Variants in INSR observed in about 807,000 individuals in gnomAD.
The protein encoded by INSR is IR.
A neutral mutation model predicts 142.6 loss-of-function variants in INSR; 67 were observed. That is an observed-to-expected ratio of 0.47 (90% CI 0.39 to 0.58). The LOEUF is 0.58. INSR is among the 20% of genes least tolerant of loss of function. The pLI is 0.00. For synonymous variants in INSR, 756 were observed against 743.1 expected, an observed-to-expected ratio of 1.02 and a Z score of -0.28; for missense variants, 1,248 against 1,833.2, an observed-to-expected ratio of 0.68 and a Z score of 5.83.
At chr19:7,228,980 A>T (rs1031653625) in intron 2 of INSR, among the ~76,000 whole-genome samples, 57 of 137,850 alleles carry the variant, frequency 4.1e-4, no homozygotes, top group African/African-American at 1.3e-3. Flanking sequence ...AGTAGACAGA[A>T]GGATGGATGG....
intron 11 of INSR, 79 bp from the exon 12 acceptor site, chr19:7,143,169 C>G (rs899102740): frequency 2.1e-5 from 31 of 1,505,762 alleles, no homozygotes; most frequent in Non-Finnish European, 2.8e-5. Flanking sequence ...GAATAAAAGG[C>G]TTGATTAAGA....
At chr19:7,254,286 C>T (rs578177772) in intron 2 of INSR, among the ~76,000 whole-genome samples, 2 of 152,014 alleles carry the variant, frequency 1.3e-5, no homozygotes, top group East Asian at 3.9e-4. Flanking sequence ...GAGGCTGAAG[C>T]GAGAGGGTCA....
At chr19:7,226,744 A>AAAAAAAAAC (rs1975800901) in intron 2 of INSR, among the ~76,000 whole-genome samples, 1 of 150,994 alleles carries the variant, frequency 6.6e-6, no homozygotes, top group Non-Finnish European at 1.5e-5. Flanking sequence ...AAAAAAAAAA[A>AAAAAAAAAC]TGCCTGAAGG....
At position 7,166,924 on chromosome 19, in the gene INSR, C is replaced by CATAAATAA. The variant is rs74174870; in HGVS notation, c.1611-528_1611-521dup. ...ACAAAGGGAGACTCTGTTTCAAAAA[C>CATAAATAA]ATAAATAAATAAATAAATAAATAAA... On this transcript the variant is annotated intron_variant, in intron 7 of 21. Transcript: ENST00000302850. The surrounding 1 kb of genome is among the most constrained non-coding windows in gnomAD (Gnocchi z 4.1). 4.7e-4 allele frequency among the ~76,000 whole-genome samples: 60 copies of CATAAATAA among 127,992 alleles called. No homozygotes were observed. Among genetic ancestry groups the CATAAATAA allele is most frequent in the Middle Eastern group, 7.9e-3 (2 of 254 alleles). The allele number at this position is 127,992 out of a possible 152,430, so 84.0% of individuals were successfully genotyped here.
At chr19:7,213,662 G>T (rs778645096) in intron 2 of INSR, among the ~76,000 whole-genome samples, 2 of 152,184 alleles carry the variant, frequency 1.3e-5, no homozygotes, top group African/African-American at 2.4e-5. Flanking sequence ...AGCAGAGAAA[G>T]ACTTCAGACA....
intron 2 of INSR, among the ~76,000 whole-genome samples, chr19:7,224,702 C>T (rs570213829): frequency 2.6e-5 from 4 of 152,278 alleles, no homozygotes; most frequent in East Asian, 1.9e-4. Context: ...GGAAATGCAC[C>T]GTGGTTATAA....
chr19:7,255,172 T>C (rs1479333016), intron 2 of INSR, among the ~76,000 whole-genome samples: 1 of 152,180 alleles, frequency 6.6e-6, no homozygotes, highest in Non-Finnish European at 1.5e-5. Context: ...CAGCGCAGCC[T>C]TGAACCCACC....
chr19:7,141,065 CAG>C (rs1973060028), intron 13 of INSR, among the ~76,000 whole-genome samples: 1 of 152,128 alleles, frequency 6.6e-6, no homozygotes, highest in Non-Finnish European at 1.5e-5. Flanking sequence ...GTTTTTGAGA[CAG>C]AGTCTCACTC....
intron 1 of INSR, among the ~76,000 whole-genome samples, chr19:7,289,084 G>A (rs1415978507): frequency 6.6e-6 from 1 of 152,110 alleles, no homozygotes; most frequent in African/African-American, 2.4e-5. Context: ...AGGCACAGGT[G>A]AGACGGGAGA....
chr19:7,175,041 A>T (rs543648850), intron 3 of INSR, among the ~76,000 whole-genome samples: 1 of 151,970 alleles, frequency 6.6e-6, no homozygotes, highest in East Asian at 1.9e-4. Context: ...ACGGGGTTTT[A>T]CCATGTTGGC....
In INSR at chr19:7,150,604, TG is replaced by T; in HGVS notation, c.2232-73del. ...AGACAGACCACTGGGCTCTGACACTTGGAGGCCACATGTGTCCGAGTAAGGG... is the reference window on the plus strand; with the variant it reads ...AGACAGACCACTGGGCTCTGACACTTGAGGCCACATGTGTCCGAGTAAGGG... On this transcript the variant is annotated intron_variant, in intron 10 of 21. Transcript: ENST00000302850. The surrounding 1 kb of genome is among the most constrained non-coding windows in gnomAD (Gnocchi z 4.2). 1 of 1,460,120 alleles carries T rather than the reference TG, an allele frequency of 6.8e-7. No homozygotes were observed. The highest frequency in any genetic ancestry group is 9.6e-7 in the Non-Finnish European group (1 of 1,041,742). 90.4% of individuals were successfully genotyped at this position (1,460,120 alleles called of 1,614,324 possible).
Position 7,166,992 on chromosome 19 carries a change from T to C in INSR, c.1611-588A>G, listed in dbSNP as rs977638639. 6.6e-6 allele frequency among the ~76,000 whole-genome samples: 1 copy of C among 152,034 alleles called. No individual in the cohort carries two copies. Among genetic ancestry groups the C allele is most frequent in the African/African-American group, 2.4e-5 (1 of 41,380 alleles). On this transcript the variant is annotated intron_variant, in intron 7 of 21. Transcript: ENST00000302850. This position sits in a 1 kb window ranked among gnomAD's most constrained non-coding sequence, Gnocchi z 4.1. ...GTTTTGGATTTTGGATATTTTGGGG[T>C]TTTGAAATATTTGCATTTTACTAGT... is the stretch of plus-strand genomic sequence containing the variant.
chr19:7,123,106 G>T, intron 17 of INSR, 117 bp from the exon 18 acceptor site: 1 of 759,094 alleles, frequency 1.3e-6, no homozygotes. Flanking sequence ...GATGCAGCGT[G>T]CTCAGCCCTG....
In INSR at chr19:7,118,411, C is replaced by T. The variant is rs190103428; in HGVS notation, c.3795-1001G>A. Among the ~76,000 whole-genome samples, 99 of 151,910 alleles carry T rather than the reference C, an allele frequency of 6.5e-4. 1 individual carries two copies. In the Middle Eastern group the frequency reaches 0.024, roughly 37 times the overall value. On this transcript the variant is annotated intron_variant, in intron 21 of 21. Transcript: ENST00000302850. ...CTGCTCACTGCAACCTCTGCCTCCC[C>T]GATTCAAGCAATTCTCCTGCCTCAG...
At chr19:7,195,156 T>G (rs990239680) in intron 2 of INSR, among the ~76,000 whole-genome samples, 2 of 152,222 alleles carry the variant, frequency 1.3e-5, no homozygotes, top group African/African-American at 2.4e-5. Context: ...TTACGGGAAA[T>G]GTATTTCTTC....
chr19:7,206,872 C>T (rs1180916129), intron 2 of INSR, among the ~76,000 whole-genome samples: 2 of 152,156 alleles, frequency 1.3e-5, no homozygotes, highest in African/African-American at 2.4e-5. Context: ...TTCCTGATGA[C>T]ATCTAAATCC....
At chr19:7,141,579 TG>T in intron 13 of INSR, 97 bp downstream of exon 13, 1 of 1,550,460 alleles carries the variant, frequency 6.4e-7, no homozygotes, top group South Asian at 1.2e-5. Flanking sequence ...AGAGAAGCAC[TG>T]GAATCAAAAT....
In INSR at chr19:7,154,509, A is replaced by G. The variant is rs528821479; in HGVS notation, c.2030-1582T>C. ...AGTAGAGATGGGGTTTCATTGTGTT[A>G]GCCAGGATGGTCTCGATCTCCTGAC... is the stretch of plus-strand genomic sequence containing the variant. On this transcript the variant is annotated intron_variant, in intron 9 of 21. Transcript: ENST00000302850. Among the ~76,000 whole-genome samples the G allele has an allele frequency of 2.7e-3, 403 of 150,340 alleles. 2 individuals are homozygous for G. The highest frequency in any genetic ancestry group is 9.4e-3 in the East Asian group (46 of 4,872).
At chr19:7,260,880 C>T (rs1206251371) in intron 2 of INSR, among the ~76,000 whole-genome samples, 2 of 144,448 alleles carry the variant, frequency 1.4e-5, no homozygotes, top group Non-Finnish European at 3.0e-5. Flanking sequence ...CAAAGAACTT[C>T]TTTTTTTTTT....
Sources: allele counts gnomAD v4.1 joint callset (sites outside exome capture counted in the v4.1 genomes callset), GRCh38; gene constraint gnomAD v4.1.1; non-coding constraint Gnocchi (gnomAD v3.1); transcripts MANE v1.5; gene names NCBI Gene and HGNC (gene_info 2026-07-23, HGNC 2026-07-21).